The following C2orf66 variants were observed in gnomAD, a reference collection of about 807,000 sequenced individuals.
C2orf66 encodes the protein chromosome 2 open reading frame 66, also known as uncharacterized protein C2orf66.
A neutral mutation model predicts 7.0 loss-of-function variants in C2orf66; 6 were observed. The ratio of observed to expected loss-of-function variants is 0.86; its 90% CI spans 0.47 to 1.69. The LOEUF is 1.69. Ranked by LOEUF, C2orf66 falls within the 40% of genes most tolerant of loss-of-function variation. C2orf66 has a pLI of 0.01. For missense variants in C2orf66, 107 were observed against 112.0 expected (o/e 0.96, Z 0.20); for synonymous variants, 38 against 43.8 (o/e 0.87, Z 0.52).
chr2:196,817,596 G>A, the C2orf66 span, among the ~76,000 whole-genome samples: 4 of 151,976 alleles, frequency 2.6e-5, no homozygotes, highest in African/African-American at 4.8e-5. Flanking sequence ...GCAGAGAACC[G>A]GTCTGACCTC....
chr2:196,828,563 T>C, the C2orf66 span, among the ~76,000 whole-genome samples: 2 of 152,232 alleles, frequency 1.3e-5, no homozygotes, highest in African/African-American at 4.8e-5. Context: ...ATTGTTTACC[T>C]TACATAATAC....
At chr2:196,815,952 T>A in the C2orf66 span, among the ~76,000 whole-genome samples, 2 of 152,176 alleles carry the variant, frequency 1.3e-5, no homozygotes, top group Non-Finnish European at 2.9e-5. Context: ...TCAGTGATGA[T>A]GAGGACTTCA....
the C2orf66 span, among the ~76,000 whole-genome samples, chr2:196,829,594 CA>C: frequency 2.1e-3 from 299 of 143,172 alleles, no homozygotes; most frequent in East Asian, 0.021. Flanking sequence ...GTCTCAAAAA[CA>C]AAAAAAAACA....
chr2:196,809,215 A>G lies in C2orf66; in HGVS notation c.122T>C (p.Leu41Pro). Residue 41 changes from leucine to proline, a missense_variant and splice_region_variant, in exon 1 of 3, where the codon CTG becomes CCG. By Grantham distance (98) the Leu-to-Pro change is moderately conservative. Transcript: ENST00000342506. ...CCCAGGCCCCAAGTGTGTTCTTACC[A>G]GATCTCTGTTTCTGGGGTTGTTGAG... ...KPLNNPRNRDLFFRRLQAYFK... is the reference protein window; with the variant it reads ...KPLNNPRNRDPFFRRLQAYFK... 1 of 1,613,884 alleles carries G rather than the reference A, an allele frequency of 6.2e-7. No homozygotes were observed.
the C2orf66 span, among the ~76,000 whole-genome samples, chr2:196,830,334 CCTA>C: frequency 3.3e-5 from 5 of 152,194 alleles, no homozygotes; most frequent in Admixed American, 3.3e-4. Flanking sequence ...CATTCTCATT[CCTA>C]CTAAGTTGAG....
At chr2:196,805,983 A>G (rs1476584937) in intron 2 of C2orf66, among the ~76,000 whole-genome samples, 1 of 152,186 alleles carries the variant, frequency 6.6e-6, no homozygotes, top group African/African-American at 2.4e-5. Context: ...AGTAGCAATC[A>G]TTATTTTTTA....
the C2orf66 span, among the ~76,000 whole-genome samples, chr2:196,816,626 T>C: frequency 3.9e-5 from 6 of 152,158 alleles, no homozygotes; most frequent in Non-Finnish European, 7.3e-5. Context: ...GGATCATTCA[T>C]ATCCCAAACC....
At chr2:196,813,729 C>A (rs1188351235), upstream of C2orf66, among the ~76,000 whole-genome samples, 3 of 152,028 alleles carry the variant, frequency 2.0e-5, no homozygotes, top group African/African-American at 4.8e-5. Flanking sequence ...AACAAATTCA[C>A]AAGAAAAAAA....
chr2:196,807,095 C>T (rs1269938287), intron 2 of C2orf66, among the ~76,000 whole-genome samples: 2 of 152,110 alleles, frequency 1.3e-5, no homozygotes, highest in African/African-American at 2.4e-5. Context: ...CATAACTTAG[C>T]TATATCAGTT....
the C2orf66 span, among the ~76,000 whole-genome samples, chr2:196,814,713 A>G: frequency 2.0e-5 from 3 of 152,204 alleles, no homozygotes; most frequent in African/African-American, 7.2e-5. Context: ...AACAGGAAAT[A>G]CTGGCTGAAT....
chr2:196,813,676 C>T (rs1488855231), upstream of C2orf66, among the ~76,000 whole-genome samples: 2 of 152,100 alleles, frequency 1.3e-5, no homozygotes, highest in East Asian at 3.9e-4. Flanking sequence ...TGCAATCTAT[C>T]TATCTGACAA....
At chr2:196,822,134 C>T in the C2orf66 span, among the ~76,000 whole-genome samples, 1 of 151,536 alleles carries the variant, frequency 6.6e-6, no homozygotes, top group Non-Finnish European at 1.5e-5. Context: ...AGGATGGTCT[C>T]GATCTCCTGA....
chr2:196,820,912 T>A, the C2orf66 span, among the ~76,000 whole-genome samples: 43 of 152,326 alleles, frequency 2.8e-4, no homozygotes, highest in Non-Finnish European at 3.2e-4. Flanking sequence ...CTTGTAAATG[T>A]TACCTTATTT....
the C2orf66 span, among the ~76,000 whole-genome samples, chr2:196,826,192 A>G: frequency 2.0e-5 from 3 of 152,214 alleles, no homozygotes; most frequent in African/African-American, 7.2e-5. Flanking sequence ...CTCCCCATTA[A>G]AAATTATCAA....
chr2:196,818,462 C>G, the C2orf66 span, among the ~76,000 whole-genome samples: 1 of 152,176 alleles, frequency 6.6e-6, no homozygotes, highest in Non-Finnish European at 1.5e-5. Flanking sequence ...TCCTCACAGC[C>G]ACCAGCCTTT....
upstream of C2orf66, chr2:196,809,609 G>T (rs922290041): frequency 2.7e-6 from 1 of 369,042 alleles, no homozygotes; most frequent in Non-Finnish European, 4.8e-6. Flanking sequence ...ACATAACATA[G>T]AAAGTCTGAA....
intron 1 of C2orf66, 30 bp from the exon 2 acceptor site, chr2:196,807,652 A>C: frequency 1.3e-6 from 2 of 1,564,280 alleles, no homozygotes; most frequent in Non-Finnish European, 1.7e-6. Context: ...GGTCAATGCC[A>C]GATATAAATG....
chr2:196,809,489 T>C, upstream of C2orf66: 1 of 1,104,376 alleles, frequency 9.1e-7, no homozygotes, highest in South Asian at 1.6e-5. Context: ...TTTACAGCCA[T>C]CTTTTTTCCA....
chr2:196,816,773 C>G, the C2orf66 span, among the ~76,000 whole-genome samples: 1 of 152,134 alleles, frequency 6.6e-6, no homozygotes, highest in Non-Finnish European at 1.5e-5. Context: ...ATGTTACAAC[C>G]GTTTTTATGT....
Sources: allele counts gnomAD v4.1 joint callset (sites outside exome capture counted in the v4.1 genomes callset), GRCh38; gene constraint gnomAD v4.1.1; transcripts MANE v1.5; gene names NCBI Gene and HGNC (gene_info 2026-07-23, HGNC 2026-07-21).